TMC2: variants seen among roughly 807,000 people sequenced by gnomAD.
TMC2 encodes transmembrane channel like 2.
A neutral mutation model predicts 105.9 loss-of-function variants in TMC2; 102 were observed. That is an observed-to-expected ratio of 0.96 (90% CI 0.82 to 1.14). The LOEUF (loss-of-function observed/expected upper bound fraction) is 1.14. Among genes scored for constraint, TMC2 ranks in the 50% most tolerant of loss-of-function variants. The probability of loss-of-function intolerance (pLI) is 0.00; values close to 1 mark genes in which losing one functional copy is unlikely to be tolerated. For missense variants in TMC2, 1,093 were observed against 1,134.3 expected (o/e 0.96, Z 0.52); for synonymous variants, 402 against 422.8 (o/e 0.95, Z 0.60).
chr20:2,597,449 TTAAG>T (rs2086317020), intron 10 of TMC2, 151 bp downstream of exon 10: 2 of 746,634 alleles, frequency 2.7e-6, no homozygotes, highest in East Asian at 2.8e-5. Context: ...TTTCAAACCC[TTAAG>T]TAAGAATGTT....
chr20:2,638,204 G>A (rs560630564), intron 19 of TMC2, among the ~76,000 whole-genome samples: 7 of 152,232 alleles, frequency 4.6e-5, no homozygotes, highest in African/African-American at 1.4e-4. Flanking sequence ...AGCCGGGCGT[G>A]GTGGCGGGCG....
At position 2,617,206 on chromosome 20, in the gene TMC2, A is replaced by T; in HGVS notation, c.2075A>T (p.Asn692Ile). The change falls in exon 16 of 20, where the codon AAC becomes ATC. Residue 692 changes from asparagine to isoleucine, a missense_variant. Physicochemically the swap from Asn to Ile is moderately radical, Grantham distance 149. Transcript: ENST00000358864. ...HERVFKASRS[N>I]NFYMGLLLLV... The stretch of plus-strand genomic sequence containing the variant: ...CGCGTGTTCAAAGCCTCCCGATCCA[A>T]CAACTTCTACATGGGCCTCCTGCTG... 6.2e-7 allele frequency: 1 copy of T among 1,614,166 alleles called. No individual in the cohort carries two copies. The highest frequency in any genetic ancestry group is 8.5e-7 in the Non-Finnish European group (1 of 1,180,026).
chr20:2,554,085 A>G (rs2085972645), intron 2 of TMC2, among the ~76,000 whole-genome samples: 1 of 151,780 alleles, frequency 6.6e-6, no homozygotes, highest in South Asian at 2.1e-4. Context: ...TGGGGGTTTC[A>G]CCATGTTGGC....
At chr20:2,561,764 G>A (rs1600101509) in intron 3 of TMC2, 94 bp from the exon 4 acceptor site, 6 of 1,433,954 alleles carry the variant, frequency 4.2e-6, no homozygotes, top group African/African-American at 2.9e-5. Flanking sequence ...GGGAAGGGGT[G>A]CCATCTTCCA....
intron 12 of TMC2, among the ~76,000 whole-genome samples, chr20:2,611,259 G>A (rs6083840): frequency 0.22 from 33,330 of 152,152 alleles, 3,962 homozygotes; most frequent in East Asian, 0.36. Flanking sequence ...AGGAGGGCCC[G>A]ATGATGCTGA....
chr20:2,541,357 T>C (rs2085888549), intron 2 of TMC2, among the ~76,000 whole-genome samples: 1 of 152,208 alleles, frequency 6.6e-6, no homozygotes, highest in Non-Finnish European at 1.5e-5. Context: ...AAAGTATTTT[T>C]AGGCTGGGCA....
intron 5 of TMC2, among the ~76,000 whole-genome samples, chr20:2,575,774 G>A (rs1479591545): frequency 8.4e-6 from 1 of 118,590 alleles, no homozygotes; most frequent in African/African-American, 3.3e-5. Flanking sequence ...CTTTCTCTTT[G>A]CAATCTCAGA....
chr20:2,589,323 T>TGTGTGTGTGTGG (rs1242193669), intron 7 of TMC2, among the ~76,000 whole-genome samples: 1 of 148,844 alleles, frequency 6.7e-6, no homozygotes, highest in African/African-American at 2.5e-5. Flanking sequence ...TGTGTGTGTG[T>TGTGTGTGTGTGG]GGAGATGGGG....
intron 4 of TMC2, among the ~76,000 whole-genome samples, chr20:2,568,328 T>C (rs1291689623): frequency 2.0e-5 from 3 of 152,218 alleles, no homozygotes; most frequent in Non-Finnish European, 2.9e-5. Context: ...GTGCCTTTGT[T>C]ATTATTTATA....
At chr20:2,612,995 G>C (rs2086452546) in intron 13 of TMC2, among the ~76,000 whole-genome samples, 199 bp from the exon 14 acceptor site, 1 of 152,200 alleles carries the variant, frequency 6.6e-6, no homozygotes, top group South Asian at 2.1e-4. Flanking sequence ...CATACAATTG[G>C]TAATGTGGAG....
Position 2,612,078 on chromosome 20 carries a change from G to A in TMC2, c.1594-113G>A, listed in dbSNP as rs546000619. On this transcript the variant is annotated intron_variant, in intron 12 of 19. Coordinates refer to ENST00000358864, the MANE Select transcript of TMC2 (RefSeq NM_080751.3). ...TTTTGGAAGGACTCTGTCCAGGGGA[G>A]AGCAGAAGCTAGATGGTAGGGTTGT... 4.5e-4 allele frequency: 491 copies of A among 1,085,660 alleles called. 8 individuals are homozygous for A. In the South Asian group the frequency reaches 8.7e-3, roughly 19 times the overall value. 67.3% of individuals were successfully genotyped at this position (1,085,660 alleles called of 1,614,324 possible). A position where few individuals can be genotyped will look rare whatever the true frequency, so the allele number is the denominator to read the frequency against.
At chr20:2,563,920 G>A (rs972680283) in intron 4 of TMC2, among the ~76,000 whole-genome samples, 8 of 151,880 alleles carry the variant, frequency 5.3e-5, no homozygotes, top group Non-Finnish European at 1.5e-5. Flanking sequence ...TGGATACAGG[G>A]TCTCGCTATG....
intron 3 of TMC2, among the ~76,000 whole-genome samples, chr20:2,560,266 CAAA>C (rs11290538): frequency 2.0e-5 from 3 of 146,452 alleles, no homozygotes; most frequent in Non-Finnish European, 3.0e-5. Flanking sequence ...TGAAGTATGG[CAAA>C]AAAAAAAAAA....
In TMC2 at chr20:2,580,017, C is replaced by T. The variant is rs200715532; in HGVS notation, c.795C>T (p.Val265=). The part of the protein sequence containing the change: ...FLRWMYGVNL[V]LFGLIFGLVI... Reference sequence around the variant, plus strand: ...GATGGATGTATGGAGTTAACCTTGTCCTTTTTGGCTTAATATTTGGTCTAG... The same window carrying T: ...GATGGATGTATGGAGTTAACCTTGTTCTTTTTGGCTTAATATTTGGTCTAG... The change falls in exon 7 of 20, where the codon GTC becomes GTT. Residue 265 remains valine, a synonymous_variant. Transcript: ENST00000358864. 8.1e-6 allele frequency: 13 copies of T among 1,613,878 alleles called. No homozygotes were observed. Among genetic ancestry groups the T allele is most frequent in the African/African-American group, 2.7e-5 (2 of 75,014 alleles).
At chr20:2,570,845 G>A (rs2086098020) in intron 4 of TMC2, among the ~76,000 whole-genome samples, 1 of 152,018 alleles carries the variant, frequency 6.6e-6, no homozygotes, top group East Asian at 1.9e-4. Flanking sequence ...AAATAAAGCT[G>A]CCCACCTACA....
chr20:2,600,852 T>C (rs2086345997), intron 10 of TMC2, among the ~76,000 whole-genome samples: 1 of 150,510 alleles, frequency 6.6e-6, no homozygotes, highest in African/African-American at 2.4e-5. Context: ...CCGGGTGTGG[T>C]GGTGGGCACC....
intron 11 of TMC2, among the ~76,000 whole-genome samples, chr20:2,609,875 T>C (rs1255450310): frequency 6.6e-6 from 1 of 151,984 alleles, no homozygotes; most frequent in Non-Finnish European, 1.5e-5. Flanking sequence ...TGAGATGGAG[T>C]CTTGCTCTGT....
In TMC2 at chr20:2,643,499, T is replaced by C. The variant is rs1221386862; in HGVS notation, c.*2148T>C. On this transcript the variant is annotated 3_prime_UTR_variant, in exon 20 of 20. Coordinates refer to ENST00000358864, the MANE Select transcript of TMC2 (RefSeq NM_080751.3). ...TGAAGTGTAATTTTATGTGACGGAATGTATATGTCATCTAATGCTGCATAA... is the reference window on the plus strand; with the variant it reads ...TGAAGTGTAATTTTATGTGACGGAACGTATATGTCATCTAATGCTGCATAA... Among the ~76,000 whole-genome samples, 1 of 152,248 alleles carries C rather than the reference T, an allele frequency of 6.6e-6. No homozygotes were observed. Among genetic ancestry groups the C allele is most frequent in the Admixed American group, 6.5e-5 (1 of 15,294 alleles).
At chr20:2,631,299 G>A (rs79932549) in intron 17 of TMC2, among the ~76,000 whole-genome samples, 3,487 of 152,256 alleles carry the variant, frequency 0.023, 132 homozygotes, top group African/African-American at 0.077. Context: ...AGAAAAAAGA[G>A]CTACAAAGAC....
Sources: gnomAD v4.1 joint callset for allele counts (sites outside exome capture counted in the v4.1 genomes callset) on GRCh38, gnomAD v4.1.1 for gene constraint, MANE v1.5 for transcripts, NCBI Gene and HGNC (gene_info 2026-07-23, HGNC 2026-07-21) for gene names.